Variants in ADAM22 observed in about 807,000 individuals in gnomAD.
The protein encoded by ADAM22 is disintegrin and metalloproteinase domain-containing protein 22.
A neutral mutation model predicts 144.6 loss-of-function variants in ADAM22; 65 were observed. That is an observed-to-expected ratio of 0.45 (90% CI 0.37 to 0.55). The LOEUF (loss-of-function observed/expected upper bound fraction) is 0.55. ADAM22 is among the 20% of genes least tolerant of loss of function. The probability of loss-of-function intolerance (pLI) is 0.00; values close to 1 mark genes in which losing one functional copy is unlikely to be tolerated. For missense variants in ADAM22, 974 were observed against 1,184.9 expected, an observed-to-expected ratio of 0.82 and a Z score of 2.61; for synonymous variants, 391 against 412.6, an observed-to-expected ratio of 0.95 and a Z score of 0.63.
intron 3 of ADAM22, among the ~76,000 whole-genome samples, chr7:88,066,941 G>A (rs1811403107): frequency 1.3e-5 from 2 of 152,130 alleles, no homozygotes; most frequent in African/African-American, 4.8e-5. Context: ...TACAGTTTTG[G>A]TGAAGCGGTG....
intron 3 of ADAM22, among the ~76,000 whole-genome samples, chr7:87,993,256 A>T (rs1403021250): frequency 6.6e-6 from 1 of 152,220 alleles, no homozygotes; most frequent in Non-Finnish European, 1.5e-5. Flanking sequence ...TTTACACTTG[A>T]TCCAACAGGT....
intron 3 of ADAM22, among the ~76,000 whole-genome samples, chr7:88,017,312 T>C (rs150706317): frequency 8.3e-4 from 126 of 152,258 alleles, no homozygotes; most frequent in African/African-American, 2.9e-3. Context: ...ATGTTTAAGG[T>C]GATGGATATG....
intron 18 of ADAM22, 43 bp downstream of exon 18, chr7:88,149,100 G>A (rs910332388): frequency 1.6e-5 from 23 of 1,473,036 alleles, no homozygotes; most frequent in Non-Finnish European, 2.1e-5. Context: ...GGGAAAAAGT[G>A]GGGGTATCTT....
chr7:88,123,580 C>A (rs1375332325), intron 7 of ADAM22, among the ~76,000 whole-genome samples: 1 of 151,826 alleles, frequency 6.6e-6, no homozygotes, highest in Non-Finnish European at 1.5e-5. Flanking sequence ...ATTGGTCAAG[C>A]CCTGCTGATC....
chr7:88,130,523 G>A (rs762597629), intron 10 of ADAM22, 64 bp downstream of exon 10: 137 of 1,467,108 alleles, frequency 9.3e-5, no homozygotes, highest in Non-Finnish European at 1.1e-4. Context: ...CTAATAGAAT[G>A]GATAATATGA....
At chr7:88,044,959 A>C (rs748680596) in intron 3 of ADAM22, among the ~76,000 whole-genome samples, 16 of 149,028 alleles carry the variant, frequency 1.1e-4, no homozygotes, top group Non-Finnish European at 2.2e-4. Flanking sequence ...TCTTGACCTC[A>C]GGCGATCCGC....
At chr7:88,014,169 C>T (rs1796060360) in intron 3 of ADAM22, among the ~76,000 whole-genome samples, 1 of 152,060 alleles carries the variant, frequency 6.6e-6, no homozygotes, top group African/African-American at 2.4e-5. Flanking sequence ...GAAAACACTC[C>T]TCTAAGCTGA....
chr7:87,985,326 G>T (rs1788212852), intron 3 of ADAM22, among the ~76,000 whole-genome samples: 1 of 151,036 alleles, frequency 6.6e-6, no homozygotes, highest in Admixed American at 6.6e-5. Flanking sequence ...AAAAAAAAAA[G>T]AATTTATTTT....
At chr7:88,008,555 G>A (rs1476219322) in intron 3 of ADAM22, among the ~76,000 whole-genome samples, 3 of 152,070 alleles carry the variant, frequency 2.0e-5, no homozygotes, top group Non-Finnish European at 2.9e-5. Flanking sequence ...ATACATCATG[G>A]AATACTATGC....
chr7:88,089,099 G>A (rs1819164131), intron 4 of ADAM22, among the ~76,000 whole-genome samples: 1 of 151,964 alleles, frequency 6.6e-6, no homozygotes, highest in South Asian at 2.1e-4. Context: ...CTATTAAACT[G>A]TCAAAGTGGC....
Position 87,944,829 on chromosome 7 carries a change from T to TG in ADAM22, c.246+9643_246+9644insG, listed in dbSNP as rs199719861. On this transcript the variant is annotated intron_variant, in intron 2 of 31. Transcript: ENST00000413139. ...AGGGAAACTTGTGTTTTTTTTTTTTTTGTTTTTTTTTTTTTAGTCAGTCTT... is the reference window on the plus strand; with the variant it reads ...AGGGAAACTTGTGTTTTTTTTTTTTTGTGTTTTTTTTTTTTTAGTCAGTCTT... Among the ~76,000 whole-genome samples the TG allele has an allele frequency of 8.8e-3, 1,316 of 149,836 alleles. 20 individuals carry two copies. The highest frequency in any genetic ancestry group is 0.031 in the African/African-American group (1,246 of 40,334).
At chr7:88,068,160 G>C (rs985536752) in intron 3 of ADAM22, among the ~76,000 whole-genome samples, 1 of 152,074 alleles carries the variant, frequency 6.6e-6, no homozygotes, top group Admixed American at 6.6e-5. Context: ...GGATCTGGAG[G>C]GTTGGTGCAT....
At chr7:88,188,290 G>A (rs1848803950) in intron 30 of ADAM22, among the ~76,000 whole-genome samples, 1 of 152,064 alleles carries the variant, frequency 6.6e-6, no homozygotes, top group African/African-American at 2.4e-5. Flanking sequence ...GGTGAGCTGA[G>A]TAGTTTATGT....
At chr7:88,090,618 C>G (rs1036686560) in intron 4 of ADAM22, among the ~76,000 whole-genome samples, 13 of 152,180 alleles carry the variant, frequency 8.5e-5, no homozygotes, top group African/African-American at 3.1e-4. Context: ...TTTAATGACT[C>G]CATTCTCCCC....
chr7:88,025,660 G>A (rs997599964), intron 3 of ADAM22, among the ~76,000 whole-genome samples: 3 of 152,098 alleles, frequency 2.0e-5, no homozygotes, highest in African/African-American at 7.2e-5. Flanking sequence ...CACCTTTGTT[G>A]AAAATAAGTT....
intron 26 of ADAM22, among the ~76,000 whole-genome samples, chr7:88,173,374 T>C (rs989587686): frequency 1.3e-5 from 2 of 152,066 alleles, no homozygotes; most frequent in African/African-American, 2.4e-5. Context: ...TATTTTGATA[T>C]ATGTCAACAC....
chr7:88,065,232 T>G (rs925853638), intron 3 of ADAM22, among the ~76,000 whole-genome samples: 1 of 152,218 alleles, frequency 6.6e-6, no homozygotes, highest in Middle Eastern at 3.4e-3. Context: ...CTATATAATT[T>G]TGTGTTCTGC....
At chr7:88,000,838 C>T (rs1247195231) in intron 3 of ADAM22, among the ~76,000 whole-genome samples, 2 of 151,938 alleles carry the variant, frequency 1.3e-5, no homozygotes, top group Non-Finnish European at 2.9e-5. Context: ...ATTTTATTAA[C>T]TTATATGCTA....
At chr7:88,135,625 C>G (rs1164172217) in intron 13 of ADAM22, among the ~76,000 whole-genome samples, 1 of 152,120 alleles carries the variant, frequency 6.6e-6, no homozygotes, top group Non-Finnish European at 1.5e-5. Context: ...TATAATAGTT[C>G]TCATAAAGGC....
Sources: gnomAD v4.1 joint callset for allele counts (sites outside exome capture counted in the v4.1 genomes callset) on GRCh38, gnomAD v4.1.1 for gene constraint, MANE v1.5 for transcripts, NCBI Gene and HGNC (gene_info 2026-07-23, HGNC 2026-07-21) for gene names.